Variants in PTDSS1 observed in about 807,000 individuals in gnomAD.
The protein encoded by PTDSS1 is phosphatidylserine synthase 1.
A neutral mutation model predicts 70.5 loss-of-function variants in PTDSS1; 45 were observed. The ratio of observed to expected loss-of-function variants is 0.64; its 90% confidence interval spans 0.50 to 0.82. The LOEUF is 0.82. Ranked by LOEUF, PTDSS1 falls within the 40% of genes least tolerant of loss-of-function variation. The probability of loss-of-function intolerance (pLI) is 0.00; values close to 1 mark genes in which losing one functional copy is unlikely to be tolerated. For missense variants in PTDSS1, 417 were observed against 586.1 expected, an observed-to-expected ratio of 0.71 and a Z score of 2.98; for synonymous variants, 188 against 203.8, an observed-to-expected ratio of 0.92 and a Z score of 0.66.
At chr8:96,326,232 T>TA (rs1245191318) in intron 10 of PTDSS1, among the ~76,000 whole-genome samples, 1 of 152,182 alleles carries the variant, frequency 6.6e-6, no homozygotes, top group Non-Finnish European at 1.5e-5. Context: ...ATGAAACTGA[T>TA]ACCCCAAAAC....
intron 9 of PTDSS1, among the ~76,000 whole-genome samples, chr8:96,313,000 G>A (rs1438539704): frequency 6.6e-6 from 1 of 152,162 alleles, no homozygotes; most frequent in Non-Finnish European, 1.5e-5. Context: ...TGGTAAGGTG[G>A]AGAAATGAGA....
At chr8:96,317,278 T>C (rs1217887379) in intron 9 of PTDSS1, among the ~76,000 whole-genome samples, 1 of 151,884 alleles carries the variant, frequency 6.6e-6, no homozygotes, top group East Asian at 1.9e-4. Flanking sequence ...AGTCTGGGAC[T>C]CTCCACACTT....
chr8:96,274,768 A>G (rs950095337), intron 2 of PTDSS1, among the ~76,000 whole-genome samples: 10 of 152,192 alleles, frequency 6.6e-5, no homozygotes, highest in African/African-American at 2.2e-4. Context: ...CATCGTAGTT[A>G]GGAGCGTCAC....
At chr8:96,286,303 G>A (rs16894423) in intron 3 of PTDSS1, among the ~76,000 whole-genome samples, 2,870 of 152,282 alleles carry the variant, frequency 0.019, 86 homozygotes, top group African/African-American at 0.065. Context: ...ATTGGACAGG[G>A]TTTTGCCTTC....
At chr8:96,281,954 A>G (rs1410006780) in intron 2 of PTDSS1, among the ~76,000 whole-genome samples, 1 of 152,184 alleles carries the variant, frequency 6.6e-6, no homozygotes, top group African/African-American at 2.4e-5. Context: ...AGCCTGGTGC[A>G]TAGTAAGTGC....
chr8:96,293,726 A>G (rs1190201614), intron 4 of PTDSS1, among the ~76,000 whole-genome samples: 1 of 152,272 alleles, frequency 6.6e-6, no homozygotes, highest in African/African-American at 2.4e-5. Context: ...AAAGTCCTCC[A>G]GAGTTATCTG....
intron 10 of PTDSS1, 77 bp downstream of exon 10, chr8:96,320,422 C>A (rs563176209): frequency 1.4e-4 from 172 of 1,273,974 alleles, no homozygotes; most frequent in Non-Finnish European, 1.6e-4. Context: ...GGCAAAGAAA[C>A]CCTCTTGTGT....
intron 1 of PTDSS1, among the ~76,000 whole-genome samples, chr8:96,265,393 A>G (rs187918946): frequency 5.9e-5 from 9 of 152,306 alleles, no homozygotes; most frequent in Admixed American, 1.3e-4. Context: ...GTCTGAGACA[A>G]GTTTGGATTT....
Position 96,295,297 on chromosome 8 carries a change from G to A in PTDSS1, c.600+41G>A, listed in dbSNP as rs1231796204. The A allele has an allele frequency of 3.8e-6, 6 of 1,578,124 alleles. No homozygotes were observed. In the South Asian group the frequency reaches 7.0e-5, roughly 18 times the overall value. On this transcript the variant is annotated intron_variant, in intron 5 of 12. Coordinates refer to ENST00000517309, the MANE Select transcript of PTDSS1 (RefSeq NM_014754.3). ...TTGGGGGTTCCCCAGACTGTGCCAT[G>A]TGTGTAGTTTATATATAGGAAAAAG...
chr8:96,271,779 T>A (rs1446271772), intron 1 of PTDSS1, among the ~76,000 whole-genome samples: 1 of 152,256 alleles, frequency 6.6e-6, no homozygotes, highest in African/African-American at 2.4e-5. Flanking sequence ...TAACTTACCA[T>A]GAGTGAGGCT....
In PTDSS1 at chr8:96,297,029, G is replaced by A. The variant is rs190942392; in HGVS notation, c.600+1773G>A. ...TCTAAGCACCCAGTCGTCCATTGAC[G>A]TCTCTTCAGACCTCTGCTCCCACCT... On this transcript the variant is annotated intron_variant, in intron 5 of 12. Transcript: ENST00000517309. Among the ~76,000 whole-genome samples the A allele has an allele frequency of 3.9e-5, 6 of 152,268 alleles. No individual in the cohort carries two copies. In the East Asian group the frequency reaches 5.8e-4, roughly 15 times the overall value.
At chr8:96,290,495 T>C (rs1244643132) in intron 4 of PTDSS1, among the ~76,000 whole-genome samples, 1 of 152,204 alleles carries the variant, frequency 6.6e-6, no homozygotes, top group African/African-American at 2.4e-5. Flanking sequence ...TGAACCTGGC[T>C]TTTAAACTCT....
intron 6 of PTDSS1, among the ~76,000 whole-genome samples, chr8:96,300,625 T>C (rs1453585352): frequency 2.6e-5 from 4 of 152,230 alleles, no homozygotes; most frequent in Non-Finnish European, 5.9e-5. Context: ...TAATGAAAGT[T>C]GTGGTTGCTT....
Position 96,294,436 on chromosome 8 carries a change from C to T in PTDSS1, c.442-662C>T, listed in dbSNP as rs962111888. On this transcript the variant is annotated intron_variant, in intron 4 of 12. Coordinates refer to ENST00000517309, the MANE Select transcript of PTDSS1 (RefSeq NM_014754.3). ...TAAGATATTAAATTACTTAGAAATA[C>T]GTATAATCAAAAACAAAGATATTAG... Among the ~76,000 whole-genome samples, 3 of 152,130 alleles carry T rather than the reference C, an allele frequency of 2.0e-5. No individual in the cohort carries two copies. In the East Asian group the frequency reaches 5.8e-4, roughly 29 times the overall value.
At position 96,322,343 on chromosome 8, in the gene PTDSS1, C is replaced by T. The variant is rs540290087; in HGVS notation, c.1173+1998C>T. 3.3e-5 allele frequency among the ~76,000 whole-genome samples: 5 copies of T among 152,266 alleles called. No homozygotes were observed. In the East Asian group the frequency reaches 9.7e-4, roughly 29 times the overall value. On this transcript the variant is annotated intron_variant, in intron 10 of 12. Coordinates refer to ENST00000517309, the MANE Select transcript of PTDSS1 (RefSeq NM_014754.3). ...TTTATTTGGCTCACGGTTCTGACAGCTGGGAAGTCCAAGAGCGTGGTACCA... is the reference window on the plus strand; with the variant it reads ...TTTATTTGGCTCACGGTTCTGACAGTTGGGAAGTCCAAGAGCGTGGTACCA...
chr8:96,285,769 G>C (rs546215311), intron 3 of PTDSS1, among the ~76,000 whole-genome samples: 1 of 152,180 alleles, frequency 6.6e-6, no homozygotes, highest in East Asian at 1.9e-4. Flanking sequence ...CACAGACCTC[G>C]AAGCCCAACC....
chr8:96,296,695 C>G (rs16894439), intron 5 of PTDSS1, among the ~76,000 whole-genome samples: 4 of 152,294 alleles, frequency 2.6e-5, no homozygotes, highest in African/African-American at 9.6e-5. Context: ...CACAACAAAC[C>G]GGGAAAGGCG....
chr8:96,305,226 C>T (rs1030803575), intron 7 of PTDSS1, among the ~76,000 whole-genome samples: 6 of 152,188 alleles, frequency 3.9e-5, no homozygotes, highest in African/African-American at 7.2e-5. Flanking sequence ...TGGTGGTATG[C>T]GATGGAGCAC....
At chr8:96,286,103 G>A (rs1037257867) in intron 3 of PTDSS1, among the ~76,000 whole-genome samples, 4 of 152,132 alleles carry the variant, frequency 2.6e-5, no homozygotes, top group African/African-American at 9.7e-5. Flanking sequence ...TTCCAGCCAC[G>A]GACGTGCTCT....
Sources: gnomAD v4.1 joint callset for allele counts (sites outside exome capture counted in the v4.1 genomes callset) on GRCh38, gnomAD v4.1.1 for gene constraint, MANE v1.5 for transcripts, NCBI Gene and HGNC (gene_info 2026-07-23, HGNC 2026-07-21) for gene names.